The following TRAPPC12 variants were observed in gnomAD, a reference collection of about 807,000 sequenced individuals.
TRAPPC12 encodes trafficking protein particle complex subunit 12.
TRAPPC12 carries 61 observed loss-of-function variants against 69.2 expected under a neutral mutation model. That is an observed-to-expected ratio of 0.88 (90% CI 0.72 to 1.09). The LOEUF (loss-of-function observed/expected upper bound fraction) is 1.09. Among genes scored for constraint, TRAPPC12 ranks in the 50% least tolerant of loss-of-function variants. The probability of loss-of-function intolerance (pLI) is 0.00; values close to 1 mark genes in which losing one functional copy is unlikely to be tolerated. For missense variants in TRAPPC12, 1,101 were observed against 1,016.4 expected, an observed-to-expected ratio of 1.08 and a Z score of -1.13; for synonymous variants, 469 against 438.9, an observed-to-expected ratio of 1.07 and a Z score of -0.86.
chr2:3,479,377 C>T lies in TRAPPC12; in HGVS notation c.2124C>T (p.Ser708=), dbSNP rs1178667353. The T allele has an allele frequency of 1.4e-5, 22 of 1,614,078 alleles. No homozygotes were observed. Among genetic ancestry groups the T allele is most frequent in the Non-Finnish European group, 1.7e-5 (20 of 1,180,058 alleles). ...TTMYELESSR[S]MQKKQALLEA... ...TGTACGAGCTGGAGTCCTCACGGAGCATGCAGAAGAAACAGGCCCTGCTGG... is the reference window on the plus strand; with the variant it reads ...TGTACGAGCTGGAGTCCTCACGGAGTATGCAGAAGAAACAGGCCCTGCTGG... Residue 708 remains serine, a synonymous_variant, in exon 12 of 12, where the codon AGC becomes AGT. Coordinates refer to ENST00000324266, the MANE Select transcript of TRAPPC12 (RefSeq NM_016030.6).
chr2:3,460,397 G>A (rs371575782), intron 8 of TRAPPC12, 61 bp downstream of exon 8: 44 of 825,414 alleles, frequency 5.3e-5, no homozygotes, highest in Non-Finnish European at 8.2e-5. Context: ...AGTGGGAGCC[G>A]CGAGGGAGCC....
In TRAPPC12 at chr2:3,424,656, G is replaced by T; in HGVS notation, c.1410G>T (p.Gly470=). 6.2e-7 allele frequency: 1 copy of T among 1,606,798 alleles called. No individual in the cohort carries two copies. Among genetic ancestry groups the T allele is most frequent in the Non-Finnish European group, 8.5e-7 (1 of 1,177,256 alleles). ...YYEYYPHVYP[G]RRGSMVPFSM... is the part of the protein sequence containing the mutation. ...AGTACTACCCGCACGTGTACCCTGG[G>T]CGCAGGGGTAAGGCCATGGTATTTA... The change falls in exon 5 of 12, where the codon GGG becomes GGT. Residue 470 remains glycine (G), a synonymous_variant. Coordinates refer to ENST00000324266, the MANE Select transcript of TRAPPC12 (RefSeq NM_016030.6).
At chr2:3,466,821 A>G (rs577467958) in intron 9 of TRAPPC12, among the ~76,000 whole-genome samples, 1 of 152,284 alleles carries the variant, frequency 6.6e-6, no homozygotes, top group South Asian at 2.1e-4. Context: ...TCCTGCCTGC[A>G]CTGGGATGCT....
chr2:3,445,443 G>T (rs1664455897), intron 6 of TRAPPC12, among the ~76,000 whole-genome samples: 1 of 152,218 alleles, frequency 6.6e-6, no homozygotes, highest in African/African-American at 2.4e-5. Context: ...CTTAGCACTA[G>T]CTATGAAGCA....
chr2:3,422,170 G>A (rs926203103), intron 4 of TRAPPC12, among the ~76,000 whole-genome samples, 176 bp downstream of exon 4: 12 of 152,194 alleles, frequency 7.9e-5, no homozygotes, highest in African/African-American at 2.7e-4. Flanking sequence ...ACTTCGGCCC[G>A]TCAGGATGCC....
At chr2:3,409,749 T>TAA (rs1558358578) in intron 3 of TRAPPC12, among the ~76,000 whole-genome samples, 1 of 88,708 alleles carries the variant, frequency 1.1e-5, no homozygotes, top group Non-Finnish European at 2.2e-5. Context: ...GACTTTGTCT[T>TAA]TAAAAAAAAA....
At chr2:3,407,809 A>C (rs1164362952) in intron 3 of TRAPPC12, among the ~76,000 whole-genome samples, 2 of 152,150 alleles carry the variant, frequency 1.3e-5, no homozygotes, top group Non-Finnish European at 2.9e-5. Context: ...AAAAGAAAAA[A>C]AAGAAAAAGA....
chr2:3,459,713 T>C (rs975359966), intron 7 of TRAPPC12, among the ~76,000 whole-genome samples: 1 of 152,230 alleles, frequency 6.6e-6, no homozygotes, highest in African/African-American at 2.4e-5. Flanking sequence ...CCCAGCGGAA[T>C]GTGCCAGCCA....
chr2:3,451,145 G>A (rs768397934), intron 6 of TRAPPC12, among the ~76,000 whole-genome samples: 18 of 152,220 alleles, frequency 1.2e-4, no homozygotes, highest in African/African-American at 2.2e-4. Flanking sequence ...CATTCAAGGC[G>A]TGTAATTTTC....
At chr2:3,477,817 A>G (rs748798987) in intron 10 of TRAPPC12, 22 bp downstream of exon 10, 28 of 1,526,860 alleles carry the variant, frequency 1.8e-5, no homozygotes, top group African/African-American at 7.0e-5. Context: ...AAAACTAAAT[A>G]TATGTTTTCT....
intron 5 of TRAPPC12, among the ~76,000 whole-genome samples, chr2:3,426,800 C>T (rs1023539813): frequency 6.6e-6 from 1 of 152,260 alleles, no homozygotes; most frequent in Non-Finnish European, 1.5e-5. Context: ...CTACGTCCCT[C>T]CCAAAGTTCC....
At chr2:3,433,209 T>C (rs1663544151) in intron 5 of TRAPPC12, among the ~76,000 whole-genome samples, 1 of 151,934 alleles carries the variant, frequency 6.6e-6, no homozygotes, top group African/African-American at 2.4e-5. Flanking sequence ...CCTGCTGAGG[T>C]CAGGATAGGG....
Position 3,388,092 on chromosome 2 carries a change from G to A in TRAPPC12, c.469G>A (p.Val157Ile). 1 of 1,548,580 alleles carries A rather than the reference G, an allele frequency of 6.5e-7. No individual in the cohort carries two copies. The highest frequency in any genetic ancestry group is 8.7e-7 in the Non-Finnish European group (1 of 1,152,488). ...GCAGGAGCCTCCCGTTGCGGAGCCG[G>A]TCCCGGTGTGCACCATCTTCAGCCA... ...PEQEPPVAEP[V>I]PVCTIFSQRA... The change falls in exon 2 of 12, where the codon GTC becomes ATC. Residue 157 changes from valine (V) to isoleucine (I), a missense_variant. Coordinates refer to ENST00000324266, the MANE Select transcript of TRAPPC12 (RefSeq NM_016030.6).
chr2:3,459,722 C>T (rs35486430), intron 7 of TRAPPC12, among the ~76,000 whole-genome samples: 4,448 of 152,342 alleles, frequency 0.029, 94 homozygotes, highest in Non-Finnish European at 0.041. Flanking sequence ...ATGTGCCAGC[C>T]ACTTGAGTTC....
At chr2:3,453,113 G>A (rs1191863772) in intron 6 of TRAPPC12, among the ~76,000 whole-genome samples, 1 of 152,338 alleles carries the variant, frequency 6.6e-6, no homozygotes, top group South Asian at 2.1e-4. Context: ...TGTGGAAAGC[G>A]TGAAGGGCCC....
In TRAPPC12 at chr2:3,387,849, C is replaced by G; in HGVS notation, c.226C>G (p.Pro76Ala). Residue 76 changes from proline (P) to alanine (A), a missense_variant, in exon 2 of 12, where the codon CCC becomes GCC. By Grantham distance (27) the Pro-to-Ala change is conservative. Coordinates refer to ENST00000324266, the MANE Select transcript of TRAPPC12 (RefSeq NM_016030.6). ...GGAGAGCGTCCTCATCTCTGACTCC[C>G]CCAACAGCGAGGGCGACGCGGGCGA... is the stretch of plus-strand genomic sequence containing the variant. ...MMESVLISDS[P>A]NSEGDAGDLG... 1 of 1,603,664 alleles carries G rather than the reference C, an allele frequency of 6.2e-7. No individual in the cohort carries two copies. The highest frequency in any genetic ancestry group is 8.5e-7 in the Non-Finnish European group (1 of 1,172,314).
chr2:3,460,355 A>C lies in TRAPPC12; in HGVS notation c.1677+19A>C. ...GATGAAGGTACGTGGGTGGCCAAGC[A>C]GGGCTGCCATGTGATCTGGAAGAGC... On this transcript the variant is annotated intron_variant, in intron 8 of 11. Transcript: ENST00000324266. 1 of 867,664 alleles carries C rather than the reference A, an allele frequency of 1.2e-6. No individual in the cohort carries two copies. Among genetic ancestry groups the C allele is most frequent in the South Asian group, 1.3e-5 (1 of 75,990 alleles). The allele number at this position is 867,664 out of a possible 1,614,324, so 53.7% of individuals were successfully genotyped here. A position where few individuals can be genotyped will look rare whatever the true frequency, so the allele number is the denominator to read the frequency against.
At chr2:3,474,535 G>T (rs769339622) in intron 9 of TRAPPC12, among the ~76,000 whole-genome samples, 5 of 152,118 alleles carry the variant, frequency 3.3e-5, no homozygotes, top group Non-Finnish European at 7.3e-5. Flanking sequence ...AGGAGGGGAG[G>T]GCCAGACCCA....
In TRAPPC12 at chr2:3,387,708, T is replaced by A. The variant is rs1404930290; in HGVS notation, c.85T>A (p.Leu29Met). The change falls in exon 2 of 12, where the codon TTG becomes ATG. Residue 29 changes from leucine to methionine, a missense_variant. Leu to Met is a conservative substitution (Grantham distance 15, BLOSUM62 2). Transcript: ENST00000324266. ...PQLAPPEEQG[L>M]LFQEETIDLG... is the part of the protein sequence containing the mutation. ...GCTCGCGCCTCCGGAGGAGCAGGGG[T>A]TGCTCTTCCAGGAGGAAACCATCGA... The A allele has an allele frequency of 1.3e-6, 2 of 1,590,788 alleles. No homozygotes were observed. The highest frequency in any genetic ancestry group is 8.6e-7 in the Non-Finnish European group (1 of 1,169,194).
Sources: allele counts gnomAD v4.1 joint callset (sites outside exome capture counted in the v4.1 genomes callset), GRCh38; gene constraint gnomAD v4.1.1; transcripts MANE v1.5; gene names NCBI Gene and HGNC (gene_info 2026-07-23, HGNC 2026-07-21).